The following ST18 variants were observed in gnomAD, a reference collection of about 807,000 sequenced individuals.
ST18 encodes the protein ST18 C2H2C-type zinc finger transcription factor.
A neutral mutation model predicts 110.0 loss-of-function variants in ST18; 50 were observed. The observed-to-expected ratio is 0.45, with a 90% CI of 0.36 to 0.58. The LOEUF (loss-of-function observed/expected upper bound fraction) is 0.58, where lower values mean the gene tolerates loss of function less well. Ranked by LOEUF, ST18 falls within the 20% of genes least tolerant of loss-of-function variation. The probability of loss-of-function intolerance (pLI) is 0.00; values close to 1 mark genes in which losing one functional copy is unlikely to be tolerated. For missense variants in ST18, 1,306 were observed against 1,280.1 expected (o/e 1.02, Z -0.31); for synonymous variants, 461 against 452.4 (o/e 1.02, Z -0.24).
chr8:52,274,988 G>C (rs144556210), intron 2 of ST18, among the ~76,000 whole-genome samples: 1 of 152,254 alleles, frequency 6.6e-6, no homozygotes, highest in African/African-American at 2.4e-5. Context: ...AAAGGCACCA[G>C]AGCTTTGTGA....
At chr8:52,320,989 T>C (rs1803651904) in intron 2 of ST18, among the ~76,000 whole-genome samples, 1 of 152,230 alleles carries the variant, frequency 6.6e-6, no homozygotes, top group Non-Finnish European at 1.5e-5. Flanking sequence ...CTAACTTACC[T>C]TTGACATCAT....
chr8:52,323,823 C>T (rs569976693), intron 2 of ST18, among the ~76,000 whole-genome samples: 2 of 152,232 alleles, frequency 1.3e-5, no homozygotes, highest in South Asian at 4.1e-4. Flanking sequence ...CTCACTTTTC[C>T]AAACAGAGAA....
At chr8:52,376,041 C>A (rs1832235847) in intron 2 of ST18, among the ~76,000 whole-genome samples, 1 of 152,166 alleles carries the variant, frequency 6.6e-6, no homozygotes, top group Non-Finnish European at 1.5e-5. Context: ...AGCTCTGTCA[C>A]AATGACCCAG....
At chr8:52,195,016 T>C (rs963784560) in intron 8 of ST18, among the ~76,000 whole-genome samples, 6 of 152,218 alleles carry the variant, frequency 3.9e-5, no homozygotes, top group Non-Finnish European at 7.3e-5. Context: ...TCAAAGACAA[T>C]ATGTTTTAGT....
At chr8:52,391,162 G>A (rs963937152) in intron 2 of ST18, among the ~76,000 whole-genome samples, 2 of 152,144 alleles carry the variant, frequency 1.3e-5, no homozygotes, top group African/African-American at 2.4e-5. Flanking sequence ...CAGCGCCTCT[G>A]CTCTTTCACC....
intron 2 of ST18, among the ~76,000 whole-genome samples, chr8:52,230,376 G>A (rs16917541): frequency 0.017 from 2,533 of 151,382 alleles, 67 homozygotes; most frequent in African/African-American, 0.057. Flanking sequence ...ACACACCTGA[G>A]AGTGAAAGTG....
intron 8 of ST18, among the ~76,000 whole-genome samples, chr8:52,203,631 A>C (rs567660627): frequency 6.6e-6 from 1 of 152,346 alleles, no homozygotes; most frequent in African/African-American, 2.4e-5. Context: ...GAGACCTCAA[A>C]TAGGTATAGT....
In ST18 at chr8:52,338,278, A is replaced by G. The variant is rs370228796; in HGVS notation, c.-465+71050T>C. 3.9e-5 allele frequency among the ~76,000 whole-genome samples: 6 copies of G among 152,082 alleles called. No individual in the cohort carries two copies. In the East Asian group the frequency reaches 7.8e-4, roughly 20 times the overall value. ...TCACCATGTTGGCCAGGCTGGTCTC[A>G]AACTCCTGACCTCAGATGATCCGCC... On this transcript the variant is annotated intron_variant, in intron 2 of 25. Transcript: ENST00000689386.
intron 8 of ST18, among the ~76,000 whole-genome samples, chr8:52,193,801 C>T (rs923728022): frequency 1.3e-5 from 2 of 152,214 alleles, no homozygotes; most frequent in African/African-American, 2.4e-5. Context: ...AGGATAATCC[C>T]TGAACTTCAT....
chr8:52,374,173 G>T (rs996511668), intron 2 of ST18, among the ~76,000 whole-genome samples: 1 of 152,122 alleles, frequency 6.6e-6, no homozygotes, highest in Non-Finnish European at 1.5e-5. Flanking sequence ...TTGGAAATAG[G>T]GTCTTTGCAG....
chr8:52,224,223 T>C (rs2088285971), intron 3 of ST18, among the ~76,000 whole-genome samples: 1 of 152,216 alleles, frequency 6.6e-6, no homozygotes, highest in Non-Finnish European at 1.5e-5. Flanking sequence ...CAAGTTTGCA[T>C]AACCACTTTT....
chr8:52,118,341 G>C lies in ST18; in HGVS notation c.2856C>G (p.Thr952=). The C allele has an allele frequency of 6.3e-7, 1 of 1,589,794 alleles. No homozygotes were observed. Residue 952 remains threonine (T), a synonymous_variant, in exon 24 of 26, where the codon ACC becomes ACG. Transcript: ENST00000689386. The part of the protein sequence containing the change: ...KIEADMMKLQ[T]QITSMESNLK... The stretch of plus-strand genomic sequence containing the variant: ...ATGAATTACTTCTTTTTTTTACCTG[G>C]GTCTGAAGTTTCATCATATCTGCTT...
At chr8:52,242,576 T>C (rs920312512) in intron 2 of ST18, among the ~76,000 whole-genome samples, 1 of 152,204 alleles carries the variant, frequency 6.6e-6, no homozygotes, top group African/African-American at 2.4e-5. Flanking sequence ...CTGTGGCCCA[T>C]GCCTGTAATC....
intron 2 of ST18, among the ~76,000 whole-genome samples, chr8:52,301,533 T>A (rs2095721258): frequency 6.6e-6 from 1 of 152,122 alleles, no homozygotes. Context: ...AAAAACTCAG[T>A]AAAACAAGAA....
intron 2 of ST18, among the ~76,000 whole-genome samples, chr8:52,344,583 T>A (rs1471568476): frequency 6.6e-6 from 1 of 152,104 alleles, no homozygotes; most frequent in Non-Finnish European, 1.5e-5. Flanking sequence ...GTATTTTTAA[T>A]AGAGACAGAG....
chr8:52,295,802 A>C (rs1288607853), intron 2 of ST18, among the ~76,000 whole-genome samples: 2 of 147,258 alleles, frequency 1.4e-5, no homozygotes, highest in Admixed American at 1.4e-4. Flanking sequence ...CTGGACTTGC[A>C]GCGCCAGTTC....
chr8:52,403,804 T>C (rs1478008569), intron 2 of ST18: 1 of 152,222 alleles, frequency 6.6e-6, no homozygotes, highest in Non-Finnish European at 1.5e-5. Flanking sequence ...CCTCTCTAAC[T>C]CTTAATATGA....
chr8:52,137,625 G>A, intron 17 of ST18, 142 bp from the exon 18 acceptor site: 2 of 698,912 alleles, frequency 2.9e-6, no homozygotes, highest in South Asian at 4.4e-5. Flanking sequence ...AGTGTACCAA[G>A]GATTTATATT....
intron 8 of ST18, among the ~76,000 whole-genome samples, chr8:52,184,931 A>G (rs1303792306): frequency 1.3e-5 from 2 of 152,192 alleles, no homozygotes; most frequent in East Asian, 3.8e-4. Context: ...GAAAGGGGCC[A>G]AGAAGTATGA....
Sources: gnomAD v4.1 joint callset for allele counts (sites outside exome capture counted in the v4.1 genomes callset) on GRCh38, gnomAD v4.1.1 for gene constraint, MANE v1.5 for transcripts, NCBI Gene and HGNC (gene_info 2026-07-23, HGNC 2026-07-21) for gene names.